KIAA0825: variants seen among roughly 807,000 people sequenced by gnomAD.
The protein encoded by KIAA0825 is KIAA0825, also known as uncharacterized protein KIAA0825.
In KIAA0825, 119 loss-of-function variants were observed where a neutral mutation model predicts 147.6. The observed-to-expected ratio is 0.81, with a 90% CI of 0.69 to 0.94. KIAA0825 has a LOEUF of 0.94. Among genes scored for constraint, KIAA0825 ranks in the 40% least tolerant of loss-of-function variants. KIAA0825 has a pLI of 0.00. For synonymous variants in KIAA0825, 470 were observed against 518.1 expected, an observed-to-expected ratio of 0.91 and a Z score of 1.26; for missense variants, 1,381 against 1,472.7, an observed-to-expected ratio of 0.94 and a Z score of 1.02.
intron 3 of KIAA0825, among the ~76,000 whole-genome samples, chr5:94,535,470 AT>A (rs1771787371): frequency 8.0e-6 from 1 of 125,184 alleles, no homozygotes; most frequent in South Asian, 2.7e-4. Context: ...AAATCGTGCC[AT>A]TGTACTCCAG....
Position 94,154,011 on chromosome 5 carries a change from T to G in KIAA0825, c.3824A>C (p.Gln1275Pro). 6.5e-7 allele frequency: 1 copy of G among 1,546,118 alleles called. No homozygotes were observed. Among genetic ancestry groups the G allele is most frequent in the Non-Finnish European group, 8.8e-7 (1 of 1,141,860 alleles). The change falls in exon 21 of 21, where the codon CAG becomes CCG. Residue 1275 changes from glutamine (Q) to proline (P), a missense_variant. Gln to Pro is a moderately conservative substitution (Grantham distance 76, BLOSUM62 -1). Transcript: ENST00000682413. ...GCTGTTGCTGTTTTCTGCAGATTAC[T>G]GTTCCTCTATGTTATCTGAGGCAGA... ...NSSASDNIEE[Q>P]
chr5:94,613,588 C>T (rs893986398), intron 1 of KIAA0825, among the ~76,000 whole-genome samples: 3 of 152,312 alleles, frequency 2.0e-5, no homozygotes, highest in Non-Finnish European at 4.4e-5. Context: ...GGTGCAGTAC[C>T]TGTCATAAAA....
chr5:94,214,272 T>C (rs530788201), intron 20 of KIAA0825, among the ~76,000 whole-genome samples: 4 of 152,310 alleles, frequency 2.6e-5, no homozygotes, highest in Non-Finnish European at 5.9e-5. Flanking sequence ...AGAGGATCTC[T>C]ATAAAGATCA....
At chr5:94,356,165 T>A (rs1281727656) in intron 20 of KIAA0825, among the ~76,000 whole-genome samples, 7 of 152,110 alleles carry the variant, frequency 4.6e-5, no homozygotes, top group Admixed American at 4.6e-4. Context: ...TTATTCAATG[T>A]TTTAAAAATT....
At chr5:94,489,121 A>T (rs17379709) in intron 5 of KIAA0825, among the ~76,000 whole-genome samples, 13,534 of 152,156 alleles carry the variant, frequency 0.089, 727 homozygotes, top group Middle Eastern at 0.12. Flanking sequence ...CCACTTGTAA[A>T]CCACTGCTTC....
intron 20 of KIAA0825, among the ~76,000 whole-genome samples, chr5:94,329,567 AG>A (rs1296775338): frequency 6.6e-6 from 1 of 152,154 alleles, no homozygotes; most frequent in Non-Finnish European, 1.5e-5. Context: ...GAGAAAATGG[AG>A]TAAGTCTACT....
intron 20 of KIAA0825, among the ~76,000 whole-genome samples, chr5:94,205,676 C>T (rs1772130589): frequency 6.6e-6 from 1 of 152,072 alleles, no homozygotes; most frequent in African/African-American, 2.4e-5. Context: ...TCCCTAAGCT[C>T]TTACCTGCTT....
intron 1 of KIAA0825, chr5:94,593,888 TCTC>T (rs979288909): frequency 5.0e-5 from 20 of 403,692 alleles, no homozygotes; most frequent in East Asian, 2.5e-4. Context: ...CCTGCTCCCT[TCTC>T]CTCATTTGGA....
intron 20 of KIAA0825, among the ~76,000 whole-genome samples, chr5:94,240,501 G>A (rs1017966332): frequency 6.6e-6 from 1 of 152,144 alleles, no homozygotes; most frequent in Non-Finnish European, 1.5e-5. Flanking sequence ...AGTGTAAATA[G>A]AGACACAAAT....
intron 5 of KIAA0825, among the ~76,000 whole-genome samples, chr5:94,490,781 A>G (rs1188052959): frequency 2.6e-5 from 4 of 152,172 alleles, no homozygotes; most frequent in Non-Finnish European, 5.9e-5. Flanking sequence ...TACAGATTAT[A>G]CACTTAAAGG....
rs553232832 is a variant in KIAA0825, at chr5:94,509,986, G to T, written c.970+10262C>A. ...ACAATGATTATTATAATTCATTTCAGTACGGTTTGGGAAAAAAGGTGTATG... is the reference window on the plus strand; with the variant it reads ...ACAATGATTATTATAATTCATTTCATTACGGTTTGGGAAAAAAGGTGTATG... On this transcript the variant is annotated intron_variant, in intron 5 of 20. Coordinates refer to ENST00000682413, the MANE Select transcript of KIAA0825 (RefSeq NM_001145678.3). Among the ~76,000 whole-genome samples the T allele has an allele frequency of 2.0e-5, 3 of 152,244 alleles. No homozygotes were observed. The South Asian group carries it at 6.2e-4, about 32-fold the overall frequency.
At chr5:94,211,777 T>C (rs59487833) in intron 20 of KIAA0825, among the ~76,000 whole-genome samples, 2,159 of 152,282 alleles carry the variant, frequency 0.014, 61 homozygotes, top group African/African-American at 0.048. Flanking sequence ...TCTGATCATA[T>C]TGGATCCAAG....
chr5:94,533,258 A>G (rs1456393251), intron 3 of KIAA0825, among the ~76,000 whole-genome samples: 3 of 146,672 alleles, frequency 2.0e-5, no homozygotes, highest in South Asian at 2.2e-4. Context: ...GATTACAGGC[A>G]TGAGCCACTG....
chr5:94,290,717 C>G (rs190061831), intron 20 of KIAA0825, among the ~76,000 whole-genome samples: 1 of 152,174 alleles, frequency 6.6e-6, no homozygotes, highest in Non-Finnish European at 1.5e-5. Flanking sequence ...ACACTGTCTT[C>G]CACAATGGTT....
At chr5:94,590,744 T>C (rs1006530078) in intron 1 of KIAA0825, among the ~76,000 whole-genome samples, 4 of 152,210 alleles carry the variant, frequency 2.6e-5, no homozygotes, top group Non-Finnish European at 4.4e-5. Flanking sequence ...TTCCACACAT[T>C]GTCAATGTTG....
chr5:94,350,256 G>A (rs1005897338), intron 20 of KIAA0825, among the ~76,000 whole-genome samples: 3 of 152,018 alleles, frequency 2.0e-5, no homozygotes, highest in Non-Finnish European at 4.4e-5. Context: ...TGAACAGACC[G>A]ATAACGAGCA....
At chr5:94,524,405 A>G (rs1768863057) in intron 3 of KIAA0825, among the ~76,000 whole-genome samples, 2 of 151,696 alleles carry the variant, frequency 1.3e-5, no homozygotes, top group Admixed American at 6.6e-5. Flanking sequence ...CTTGATAGGC[A>G]GTGGATGAAA....
At chr5:94,553,091 T>C (rs1398541833) in intron 2 of KIAA0825, among the ~76,000 whole-genome samples, 2 of 152,214 alleles carry the variant, frequency 1.3e-5, no homozygotes, top group Admixed American at 6.5e-5. Flanking sequence ...GAATACTATA[T>C]GTTGTATTTA....
intron 2 of KIAA0825, among the ~76,000 whole-genome samples, chr5:94,545,198 C>A (rs1053493130): frequency 2.0e-5 from 3 of 152,116 alleles, no homozygotes; most frequent in Non-Finnish European, 2.9e-5. Context: ...CCCATCCCAG[C>A]GATCAGAACT....
Sources: gnomAD v4.1 joint callset for allele counts (sites outside exome capture counted in the v4.1 genomes callset) on GRCh38, gnomAD v4.1.1 for gene constraint, MANE v1.5 for transcripts, NCBI Gene and HGNC (gene_info 2026-07-23, HGNC 2026-07-21) for gene names.